GNAQ: variants seen among roughly 807,000 people sequenced by gnomAD.
GNAQ encodes the protein guanine nucleotide-binding protein G(q) subunit alpha.
GNAQ carries 8 observed loss-of-function variants against 43.9 expected under a neutral mutation model. The ratio of observed to expected loss-of-function variants is 0.18; its 90% CI spans 0.11 to 0.33. The LOEUF (loss-of-function observed/expected upper bound fraction) is 0.33. Ranked by LOEUF, GNAQ falls within the 10% of genes least tolerant of loss-of-function variation. The pLI, the probability that GNAQ is intolerant of heterozygous loss-of-function variation, is 1.00. For synonymous variants in GNAQ, 155 were observed against 170.7 expected (o/e 0.91, Z 0.71); for missense variants, 158 against 450.8 (o/e 0.35, Z 5.88).
intron 2 of GNAQ, among the ~76,000 whole-genome samples, chr9:77,896,919 C>T (rs1828513434): frequency 6.6e-6 from 1 of 152,200 alleles, no homozygotes; most frequent in Admixed American, 6.5e-5. Context: ...AGGAAAATGA[C>T]AACATATGAC....
intron 2 of GNAQ, among the ~76,000 whole-genome samples, chr9:77,914,408 C>T (rs1354911041): frequency 6.6e-6 from 1 of 152,148 alleles, no homozygotes; most frequent in East Asian, 1.9e-4. Context: ...CCTGTAATCC[C>T]AGCACTTTGG....
chr9:77,931,046 C>T (rs1215697728), intron 1 of GNAQ, among the ~76,000 whole-genome samples: 2 of 151,524 alleles, frequency 1.3e-5, no homozygotes, highest in Non-Finnish European at 2.9e-5. Context: ...AGTCTTATCC[C>T]GAAACCAACC....
chr9:77,862,855 C>T (rs1373614577), intron 2 of GNAQ, among the ~76,000 whole-genome samples: 3 of 152,094 alleles, frequency 2.0e-5, no homozygotes, highest in Non-Finnish European at 4.4e-5. Flanking sequence ...TTAACAGGAC[C>T]CAAGTCACTT....
chr9:77,752,979 C>T (rs568545762), intron 5 of GNAQ, among the ~76,000 whole-genome samples: 10 of 146,872 alleles, frequency 6.8e-5, no homozygotes, highest in Admixed American at 6.2e-4. Flanking sequence ...TCCAGCTACT[C>T]GGGAGGCTGA....
chr9:77,984,972 AT>A (rs1194382507), intron 1 of GNAQ, among the ~76,000 whole-genome samples: 1 of 152,170 alleles, frequency 6.6e-6, no homozygotes, highest in East Asian at 1.9e-4. Flanking sequence ...GGAAATGGCA[AT>A]TTTATGGCAT....
intron 5 of GNAQ, among the ~76,000 whole-genome samples, chr9:77,761,208 C>T (rs1826008050): frequency 1.4e-5 from 2 of 142,994 alleles, no homozygotes; most frequent in African/African-American, 2.6e-5. Context: ...CGCCTCTGCC[C>T]AGCTGCCCCT....
At chr9:77,952,635 A>T (rs1564161402) in intron 1 of GNAQ, among the ~76,000 whole-genome samples, 1 of 152,202 alleles carries the variant, frequency 6.6e-6, no homozygotes. Context: ...GTTACTCCTT[A>T]TTTATTAAAT....
chr9:77,872,079 C>A (rs987493071), intron 2 of GNAQ, among the ~76,000 whole-genome samples: 1 of 152,282 alleles, frequency 6.6e-6, no homozygotes, highest in South Asian at 2.1e-4. Flanking sequence ...TCCTGAATGG[C>A]AAATGCTATC....
intron 1 of GNAQ, among the ~76,000 whole-genome samples, chr9:78,027,478 T>C (rs1046076481): frequency 6.6e-6 from 1 of 152,174 alleles, no homozygotes; most frequent in African/African-American, 2.4e-5. Flanking sequence ...GAAGAAAATC[T>C]GTGCTCATAT....
At chr9:77,926,055 T>C (rs542798614) in intron 1 of GNAQ, among the ~76,000 whole-genome samples, 2 of 152,322 alleles carry the variant, frequency 1.3e-5, no homozygotes, top group Admixed American at 6.5e-5. Context: ...CCAATGTTGG[T>C]TGAATCCATG....
At chr9:77,997,436 C>T (rs1823583726) in intron 1 of GNAQ, among the ~76,000 whole-genome samples, 1 of 152,242 alleles carries the variant, frequency 6.6e-6, no homozygotes, top group South Asian at 2.1e-4. Flanking sequence ...ATCGAATTCT[C>T]TGTCTCCAAT....
chr9:77,834,270 G>C (rs1415985423), intron 2 of GNAQ, among the ~76,000 whole-genome samples: 1 of 152,150 alleles, frequency 6.6e-6, no homozygotes, highest in African/African-American at 2.4e-5. Flanking sequence ...TTCTCTTGTA[G>C]TTTACAACCA....
chr9:78,016,232 A>T (rs1457570991), intron 1 of GNAQ, among the ~76,000 whole-genome samples: 1 of 152,166 alleles, frequency 6.6e-6, no homozygotes, highest in Non-Finnish European at 1.5e-5. Context: ...TTATAGATAA[A>T]CTGGACTTCA....
At chr9:77,968,625 AT>A (rs1003311337) in intron 1 of GNAQ, among the ~76,000 whole-genome samples, 2 of 152,224 alleles carry the variant, frequency 1.3e-5, no homozygotes, top group Non-Finnish European at 2.9e-5. Context: ...AATGCTTTCC[AT>A]TTCCCAATCC....
chr9:77,754,760 T>C (rs756093619), intron 5 of GNAQ, among the ~76,000 whole-genome samples: 5 of 152,188 alleles, frequency 3.3e-5, no homozygotes, highest in Non-Finnish European at 5.9e-5. Flanking sequence ...TGGAGAACCC[T>C]CATGCGTTAT....
chr9:77,971,876 T>C (rs967054408), intron 1 of GNAQ, among the ~76,000 whole-genome samples: 9 of 152,188 alleles, frequency 5.9e-5, no homozygotes, highest in African/African-American at 2.2e-4. Flanking sequence ...CCTTGTAAGT[T>C]GTATGTTGTA....
intron 1 of GNAQ, among the ~76,000 whole-genome samples, chr9:77,938,036 C>T (rs745436063): frequency 1.3e-5 from 2 of 152,080 alleles, no homozygotes; most frequent in African/African-American, 4.8e-5. Flanking sequence ...TCCACCGATA[C>T]CAAAATCTGC....
intron 2 of GNAQ, among the ~76,000 whole-genome samples, chr9:77,896,383 T>C (rs1828503141): frequency 6.6e-6 from 1 of 152,212 alleles, no homozygotes; most frequent in Non-Finnish European, 1.5e-5. Flanking sequence ...GATTTTACCA[T>C]ACTATACTAT....
At chr9:78,001,904 T>C (rs1211301336) in intron 1 of GNAQ, among the ~76,000 whole-genome samples, 1 of 152,214 alleles carries the variant, frequency 6.6e-6, no homozygotes, top group African/African-American at 2.4e-5. Context: ...AACAAGCTCA[T>C]ATAGCCTCTC....
Sources: gnomAD v4.1 joint callset for allele counts (sites outside exome capture counted in the v4.1 genomes callset) on GRCh38, gnomAD v4.1.1 for gene constraint, MANE v1.5 for transcripts, NCBI Gene and HGNC (gene_info 2026-07-23, HGNC 2026-07-21) for gene names.